The following TMOD1 variants were observed in gnomAD, a reference collection of about 807,000 sequenced individuals.
TMOD1 encodes the protein tropomodulin-1.
A neutral mutation model predicts 40.6 loss-of-function variants in TMOD1; 17 were observed. The observed-to-expected ratio is 0.42, with a 90% confidence interval of 0.29 to 0.63. TMOD1 has a LOEUF of 0.63. TMOD1 is among the 20% of genes least tolerant of loss of function. TMOD1 has a pLI of 0.22. For missense variants in TMOD1, 391 were observed against 447.6 expected, an observed-to-expected ratio of 0.87 and a Z score of 1.14; for synonymous variants, 181 against 175.0, an observed-to-expected ratio of 1.03 and a Z score of -0.27.
intron 1 of TMOD1, chr9:97,512,945 T>C (rs1829728434): frequency 6.6e-6 from 1 of 152,178 alleles, no homozygotes; most frequent in African/African-American, 2.4e-5. Context: ...ATATAGCCAG[T>C]GTCTTGTTTA....
chr9:97,599,037 T>A (rs1231202392), intron 9 of TMOD1, among the ~76,000 whole-genome samples: 2 of 152,116 alleles, frequency 1.3e-5, no homozygotes, highest in African/African-American at 4.8e-5. Context: ...TAAGCTAACG[T>A]CTCCAGCCTG....
chr9:97,545,011 A>G (rs1461768667), intron 2 of TMOD1, among the ~76,000 whole-genome samples: 1 of 101,470 alleles, frequency 9.9e-6, no homozygotes, highest in South Asian at 3.0e-4. Context: ...AGTCCATCTC[A>G]AAAAAAAAAA....
intron 9 of TMOD1, among the ~76,000 whole-genome samples, chr9:97,598,934 T>TTA (rs1373811324): frequency 6.6e-6 from 1 of 152,212 alleles, no homozygotes; most frequent in Non-Finnish European, 1.5e-5. Flanking sequence ...CTGCTTGGTC[T>TTA]TATCTGCAGA....
chr9:97,599,578 C>CTGGT, intron 9 of TMOD1, 56 bp from the exon 10 acceptor site: 1 of 1,610,708 alleles, frequency 6.2e-7, no homozygotes, highest in Non-Finnish European at 8.5e-7. Flanking sequence ...AGCAACAGTG[C>CTGGT]TGGCCCCTGG....
chr9:97,550,927 A>G (rs1215096764), intron 3 of TMOD1, among the ~76,000 whole-genome samples: 1 of 149,612 alleles, frequency 6.7e-6, no homozygotes, highest in East Asian at 1.9e-4. Context: ...TTGTTATCAT[A>G]TCTAGGACTC....
At chr9:97,525,739 C>G (rs1830004536) in intron 2 of TMOD1, among the ~76,000 whole-genome samples, 1 of 152,256 alleles carries the variant, frequency 6.6e-6, no homozygotes, top group Non-Finnish European at 1.5e-5. Flanking sequence ...TAGTCAGCAT[C>G]TGTCACCCCA....
At chr9:97,589,173 AATT>A (rs1825945453) in intron 8 of TMOD1, among the ~76,000 whole-genome samples, 1 of 150,670 alleles carries the variant, frequency 6.6e-6, no homozygotes, top group Non-Finnish European at 1.5e-5. Flanking sequence ...TTATAAATTT[AATT>A]ATTCTCTCAG....
intron 4 of TMOD1, among the ~76,000 whole-genome samples, chr9:97,558,876 C>A (rs1431904590): frequency 6.6e-6 from 1 of 152,270 alleles, no homozygotes; most frequent in East Asian, 1.9e-4. Context: ...GTCCCCCCAG[C>A]CCCCAAAAAG....
intron 1 of TMOD1, among the ~76,000 whole-genome samples, chr9:97,515,870 A>G (rs1829797065): frequency 6.6e-6 from 1 of 152,046 alleles, no homozygotes; most frequent in Admixed American, 6.5e-5. Flanking sequence ...ACAGGTGACA[A>G]CACGCCCCCG....
At chr9:97,564,857 AG>A (rs1172699377) in intron 6 of TMOD1, among the ~76,000 whole-genome samples, 2 of 141,622 alleles carry the variant, frequency 1.4e-5, no homozygotes, top group Non-Finnish European at 3.2e-5. Flanking sequence ...TAGTTCTGGG[AG>A]GGGGGTGGGG....
chr9:97,525,264 T>C (rs984372912), intron 2 of TMOD1, among the ~76,000 whole-genome samples: 1 of 152,214 alleles, frequency 6.6e-6, no homozygotes, highest in Non-Finnish European at 1.5e-5. Context: ...TAAATCCTAT[T>C]ATACAAAGCC....
intron 2 of TMOD1, among the ~76,000 whole-genome samples, chr9:97,531,711 T>A (rs1830105481): frequency 6.6e-6 from 1 of 152,160 alleles, no homozygotes; most frequent in African/African-American, 2.4e-5. Context: ...AGAAATCATC[T>A]AACAGTACCC....
intron 1 of TMOD1, among the ~76,000 whole-genome samples, chr9:97,512,411 G>A (rs1460937616): frequency 2.0e-5 from 3 of 152,096 alleles, no homozygotes; most frequent in African/African-American, 7.2e-5. Context: ...TTCCACTCCT[G>A]GGTACACACC....
chr9:97,546,090 G>T, intron 2 of TMOD1, 95 bp from the exon 3 acceptor site: 1 of 1,425,346 alleles, frequency 7.0e-7, no homozygotes. Context: ...TCGATGATGA[G>T]TTTCTGGAGA....
At chr9:97,581,261 T>A (rs1201795612) in intron 8 of TMOD1, among the ~76,000 whole-genome samples, 1 of 145,404 alleles carries the variant, frequency 6.9e-6, no homozygotes, top group Non-Finnish European at 1.5e-5. Flanking sequence ...TTTTTGTTCT[T>A]GCGATAGTTT....
In TMOD1 at chr9:97,569,544, T is replaced by C. The variant is rs371541191; in HGVS notation, c.870+507T>C. Among the ~76,000 whole-genome samples, 8 of 152,362 alleles carry C rather than the reference T, an allele frequency of 5.3e-5. No homozygotes were observed. The East Asian group carries it at 1.3e-3, about 26-fold the overall frequency. On this transcript the variant is annotated intron_variant, in intron 8 of 9. Coordinates refer to ENST00000259365, the MANE Select transcript of TMOD1 (RefSeq NM_003275.4). ...TCTCTAGGCAATTCTAGTTTGTCTT[T>C]ATTCTTATGGAGTTACTGTTTCTCT...
intron 1 of TMOD1, among the ~76,000 whole-genome samples, chr9:97,522,036 G>A (rs541884039): frequency 8.7e-4 from 132 of 152,260 alleles, no homozygotes; most frequent in Admixed American, 2.4e-3. Flanking sequence ...GATGAGCCAC[G>A]GGTGGGTTGG....
rs1467823646 is a variant in TMOD1 at position 97,535,887 on chromosome 9, T to A, written c.121-10298T>A. 2.6e-5 allele frequency among the ~76,000 whole-genome samples: 4 copies of A among 152,304 alleles called. No homozygotes were observed. In the East Asian group the frequency reaches 5.8e-4, roughly 22 times the overall value. ...GGTCAGGGCAGCTGAGCCAAAGGCCTAGCTCTTTGTGGAGAGAAAGCAAAG... is the reference window on the plus strand; with the variant it reads ...GGTCAGGGCAGCTGAGCCAAAGGCCAAGCTCTTTGTGGAGAGAAAGCAAAG... On this transcript the variant is annotated intron_variant, in intron 2 of 9. Transcript: ENST00000259365.
Position 97,557,841 on chromosome 9 carries a change from C to T in TMOD1, c.397+4441C>T, listed in dbSNP as rs1397795306. ...TCTTTTTCAGAGTTCAAAAATAGTCCTTTTTGAGTTTTGAGGAAGATCTAG... is the reference window on the plus strand; with the variant it reads ...TCTTTTTCAGAGTTCAAAAATAGTCTTTTTTGAGTTTTGAGGAAGATCTAG... On this transcript the variant is annotated intron_variant, in intron 4 of 9. Transcript: ENST00000259365. This position sits in a 1 kb window ranked among gnomAD's most constrained non-coding sequence, Gnocchi z 4.4. Among the ~76,000 whole-genome samples the T allele has an allele frequency of 6.6e-6, 1 of 151,884 alleles. No homozygotes were observed. The highest frequency in any genetic ancestry group is 2.4e-5 in the African/African-American group (1 of 41,340).
Sources: gnomAD v4.1 joint callset for allele counts (sites outside exome capture counted in the v4.1 genomes callset) on GRCh38, gnomAD v4.1.1 for gene constraint, Gnocchi (gnomAD v3.1) non-coding constraint, MANE v1.5 for transcripts, NCBI Gene and HGNC (gene_info 2026-07-23, HGNC 2026-07-21) for gene names.